The following FUBP3 variants were observed in gnomAD, a reference collection of about 807,000 sequenced individuals.
FUBP3 encodes far upstream element binding protein 3.
FUBP3 carries 28 observed loss-of-function variants against 85.6 expected under a neutral mutation model. The ratio of observed to expected loss-of-function variants is 0.33; its 90% CI spans 0.24 to 0.45. The LOEUF is 0.45. FUBP3 is among the 20% of genes least tolerant of loss of function. FUBP3 has a pLI of 1.00. For synonymous variants in FUBP3, 271 were observed against 271.4 expected (o/e 1.00, Z 0.01); for missense variants, 583 against 755.1 (o/e 0.77, Z 2.67).
Position 130,616,546 on chromosome 9 carries a change from C to G in FUBP3, c.567+29C>G. The G allele has an allele frequency of 6.2e-7, 1 of 1,608,494 alleles. No homozygotes were observed. The highest frequency in any genetic ancestry group is 8.5e-7 in the Non-Finnish European group (1 of 1,175,404). On this transcript the variant is annotated intron_variant, in intron 7 of 18. Coordinates refer to ENST00000319725, the MANE Select transcript of FUBP3 (RefSeq NM_003934.2). This position sits in a 1 kb window ranked among gnomAD's most constrained non-coding sequence, Gnocchi z 4.7. Reference sequence around the variant, plus strand: ...TGTGAGCCCGGAGCACGGAGCACAGCGGCCGCTCGCAGCAGGTCTTCAGCT... The same window carrying G: ...TGTGAGCCCGGAGCACGGAGCACAGGGGCCGCTCGCAGCAGGTCTTCAGCT...
At chr9:130,619,004 A>C (rs1394653789) in intron 8 of FUBP3, among the ~76,000 whole-genome samples, 1 of 152,196 alleles carries the variant, frequency 6.6e-6, no homozygotes, top group Non-Finnish European at 1.5e-5. Context: ...CTCAGTGCGA[A>C]CAGTTGGGCA....
At chr9:130,592,809 G>T (rs539072370) in intron 1 of FUBP3, among the ~76,000 whole-genome samples, 3 of 152,310 alleles carry the variant, frequency 2.0e-5, no homozygotes, top group African/African-American at 7.2e-5. Context: ...CTCCCAAAGT[G>T]CTGGAGTTAC....
chr9:130,596,725 T>G (rs1738332644), intron 2 of FUBP3: 2 of 375,694 alleles, frequency 5.3e-6, no homozygotes, highest in Admixed American at 8.2e-5. Flanking sequence ...GAATAAACCC[T>G]ATGTTAAGGT....
rs200167629 is a variant in FUBP3, at chr9:130,616,422, A to G, written c.472A>G (p.Ile158Val). 2.0e-5 allele frequency: 33 copies of G among 1,614,078 alleles called. No homozygotes were observed. The highest frequency in any genetic ancestry group is 1.6e-4 in the Middle Eastern group (1 of 6,062). ...CRNGPGFHNDIDSNSTIQEIL... is the reference protein window; with the variant it reads ...CRNGPGFHNDVDSNSTIQEIL... ...AAATGGACCTGGCTTTCATAATGAC[A>G]TAGACAGCAACAGCACAATCCAGGA... The change falls in exon 7 of 19, where the codon ATA becomes GTA. Residue 158 changes from isoleucine (I) to valine (V), a missense_variant. Physicochemically the swap from Ile to Val is conservative, Grantham distance 29 (BLOSUM62 3). Transcript: ENST00000319725. The surrounding 1 kb of genome is among the most constrained non-coding windows in gnomAD (Gnocchi z 4.7).
intron 2 of FUBP3, among the ~76,000 whole-genome samples, chr9:130,600,234 ACCTT>A (rs1831088231): frequency 6.6e-6 from 1 of 151,424 alleles, no homozygotes; most frequent in African/African-American, 2.4e-5. Flanking sequence ...CTCAGGGCAG[ACCTT>A]CCTTCCGCGG....
chr9:130,616,867 C>A lies in FUBP3; in HGVS notation c.567+350C>A, dbSNP rs151088288. The stretch of plus-strand genomic sequence containing the variant: ...GAGTCAGAGGCTCTGACCCAGCATT[C>A]TTCCTCACTGATTGATCTTAAATGT... On this transcript the variant is annotated intron_variant, in intron 7 of 18. Coordinates refer to ENST00000319725, the MANE Select transcript of FUBP3 (RefSeq NM_003934.2). The surrounding 1 kb of genome is among the most constrained non-coding windows in gnomAD (Gnocchi z 4.7). 1.3e-3 allele frequency among the ~76,000 whole-genome samples: 201 copies of A among 152,382 alleles called. No homozygotes were observed. The highest frequency in any genetic ancestry group is 3.2e-3 in the Admixed American group (49 of 15,306).
intron 12 of FUBP3, among the ~76,000 whole-genome samples, chr9:130,628,733 T>C (rs1830093286): frequency 6.6e-6 from 1 of 152,132 alleles, no homozygotes; most frequent in African/African-American, 2.4e-5. Context: ...CGTGTGCCTG[T>C]GGAAATGGTC....
chr9:130,633,151 C>T (rs866665472), intron 16 of FUBP3, among the ~76,000 whole-genome samples: 8 of 152,232 alleles, frequency 5.3e-5, no homozygotes, highest in Admixed American at 5.2e-4. Flanking sequence ...TCTGGAGCTC[C>T]ACTTTGCCAC....
chr9:130,616,390 G>A lies in FUBP3; in HGVS notation c.440G>A (p.Arg147His), dbSNP rs772851626. 1.3e-5 allele frequency: 21 copies of A among 1,613,924 alleles called. No homozygotes were observed. The highest frequency in any genetic ancestry group is 2.2e-5 in the East Asian group (1 of 44,894). ...AKRLLGQIVD[R>H]CRNGPGFHND... ...CGGCTCCTGGGACAGATTGTGGACC[G>A]CTGTCGAAATGGACCTGGCTTTCAT... is the stretch of plus-strand genomic sequence containing the variant. The change falls in exon 7 of 19, where the codon CGC becomes CAC. Residue 147 changes from arginine to histidine, a missense_variant. This residue lies in a region of FUBP3 where 177 missense variants were observed against 221.9 expected (regional missense o/e 0.80). Transcript: ENST00000319725. This position sits in a 1 kb window ranked among gnomAD's most constrained non-coding sequence, Gnocchi z 4.7.
At chr9:130,630,017 CT>C (rs1466103011) in intron 12 of FUBP3, among the ~76,000 whole-genome samples, 1 of 152,240 alleles carries the variant, frequency 6.6e-6, no homozygotes, top group Non-Finnish European at 1.5e-5. Flanking sequence ...CCACCCAGGT[CT>C]TTGTGACCTC....
At chr9:130,604,288 G>A (rs1440222380) in intron 2 of FUBP3, among the ~76,000 whole-genome samples, 2 of 152,190 alleles carry the variant, frequency 1.3e-5, no homozygotes, top group Non-Finnish European at 2.9e-5. Flanking sequence ...CCTTATTGTT[G>A]TAGATAAGGA....
At position 130,632,272 on chromosome 9, in the gene FUBP3, G is replaced by A. The variant is rs1319736262; in HGVS notation, c.1504G>A (p.Val502Ile). Reference protein sequence around the residue: ...YQAWQQPTQQVPSQQSQPQSS... With the variant: ...YQAWQQPTQQIPSQQSQPQSS... ...GGCGTGGCAGCAGCCCACACAGCAG[G>A]TCCCAAGTAAGTGACTCGGGGCGGG... is the stretch of plus-strand genomic sequence containing the variant. Residue 502 changes from valine (V) to isoleucine (I), a missense_variant, in exon 16 of 19, where the codon GTC (valine) becomes ATC (isoleucine). Physicochemically the swap from Val to Ile is conservative, Grantham distance 29 (BLOSUM62 3). Transcript: ENST00000319725. 6.2e-7 allele frequency: 1 copy of A among 1,613,138 alleles called. No individual in the cohort carries two copies. The highest frequency in any genetic ancestry group is 1.1e-5 in the South Asian group (1 of 91,062).
chr9:130,605,607 G>C (rs1451924159), intron 2 of FUBP3, among the ~76,000 whole-genome samples: 1 of 152,234 alleles, frequency 6.6e-6, no homozygotes, highest in Non-Finnish European at 1.5e-5. Flanking sequence ...GTTCACGCAG[G>C]TGAGGTGCCC....
intron 12 of FUBP3, among the ~76,000 whole-genome samples, chr9:130,627,774 G>A (rs1830038782): frequency 6.6e-6 from 1 of 152,226 alleles, no homozygotes; most frequent in Non-Finnish European, 1.5e-5. Context: ...CGATTAGCTA[G>A]ATCTAGATTT....
At chr9:130,631,816 G>T in intron 14 of FUBP3, 126 bp from the exon 15 acceptor site, 1 of 846,338 alleles carries the variant, frequency 1.2e-6, no homozygotes, top group Non-Finnish European at 2.0e-6. Flanking sequence ...GCGATGGGGT[G>T]GGAGCCTCTC....
At chr9:130,603,473 C>G (rs373751005) in intron 2 of FUBP3, among the ~76,000 whole-genome samples, 2 of 151,970 alleles carry the variant, frequency 1.3e-5, no homozygotes, top group African/African-American at 4.8e-5. Flanking sequence ...GTTTCTTCCT[C>G]CCTCCCTTCA....
intron 10 of FUBP3, among the ~76,000 whole-genome samples, chr9:130,623,372 A>AT (rs1249278032): frequency 6.6e-6 from 1 of 152,098 alleles, no homozygotes; most frequent in Non-Finnish European, 1.5e-5. Flanking sequence ...TTAATGATAC[A>AT]TTTTTTAAAT....
chr9:130,633,016 GGCCGCA>G (rs1197136415), intron 16 of FUBP3, among the ~76,000 whole-genome samples: 1 of 152,242 alleles, frequency 6.6e-6, no homozygotes, highest in Non-Finnish European at 1.5e-5. Context: ...ACAGCACCCA[GGCCGCA>G]GGCCCCGCCT....
chr9:130,634,581 T>C lies in FUBP3; in HGVS notation c.1511-86T>C, dbSNP rs554754704. ...TGTGGCCAGGAGCGAGGTGGAGGAG[T>C]GCAGGGCAGGGCCTGCAGCTGGCGG... On this transcript the variant is annotated intron_variant, in intron 16 of 18. Transcript: ENST00000319725. 112 of 1,060,626 alleles carry C rather than the reference T, an allele frequency of 1.1e-4. No homozygotes were observed. The South Asian group carries it at 1.5e-3, about 14-fold the overall frequency. The allele number at this position is 1,060,626 out of a possible 1,614,324, so 65.7% of individuals were successfully genotyped here. A position where few individuals can be genotyped will look rare whatever the true frequency, so the allele number is the denominator to read the frequency against.
Sources: gnomAD v4.1 joint callset for allele counts (sites outside exome capture counted in the v4.1 genomes callset) on GRCh38, gnomAD v4.1.1 for gene constraint, gnomAD v4.1.1 regional missense constraint, Gnocchi (gnomAD v3.1) non-coding constraint, MANE v1.5 for transcripts, NCBI Gene and HGNC (gene_info 2026-07-23, HGNC 2026-07-21) for gene names.